PIBF1: variants seen among roughly 807,000 people sequenced by gnomAD.
The protein encoded by PIBF1 is progesterone-induced-blocking factor 1.
In PIBF1, 90 loss-of-function variants were observed where a neutral mutation model predicts 112.5. The observed-to-expected ratio is 0.80, with a 90% CI of 0.67 to 0.95. The LOEUF is 0.95. Ranked by LOEUF, PIBF1 falls within the 40% of genes least tolerant of loss-of-function variation. PIBF1 has a pLI of 0.00. For synonymous variants in PIBF1, 301 were observed against 288.6 expected (o/e 1.04, Z -0.44); for missense variants, 915 against 852.3 (o/e 1.07, Z -0.92).
At chr13:72,928,904 G>T (rs2041620191) in intron 13 of PIBF1, among the ~76,000 whole-genome samples, 1 of 152,126 alleles carries the variant, frequency 6.6e-6, no homozygotes, top group African/African-American at 2.4e-5. Context: ...TCATTATCTT[G>T]TTCAGATTGT....
chr13:72,920,358 G>T (rs762311866), intron 13 of PIBF1, among the ~76,000 whole-genome samples: 6 of 152,182 alleles, frequency 3.9e-5, no homozygotes, highest in Non-Finnish European at 5.9e-5. Context: ...TGACGGGAAA[G>T]TAAGGCTAGA....
chr13:72,840,708 C>T (rs530990132), intron 9 of PIBF1, among the ~76,000 whole-genome samples: 36 of 151,772 alleles, frequency 2.4e-4, no homozygotes, highest in African/African-American at 7.5e-4. Flanking sequence ...ATTTTTAGTA[C>T]GGATGGGGTT....
At chr13:72,836,516 A>G (rs1313237027) in intron 9 of PIBF1, among the ~76,000 whole-genome samples, 1 of 152,160 alleles carries the variant, frequency 6.6e-6, no homozygotes, top group African/African-American at 2.4e-5. Flanking sequence ...TGCTGTATTT[A>G]TAAGTTAGCC....
intron 14 of PIBF1, among the ~76,000 whole-genome samples, chr13:72,935,144 C>T (rs1274575166): frequency 1.3e-5 from 2 of 152,082 alleles, no homozygotes; most frequent in African/African-American, 2.4e-5. Context: ...TGCCACCATT[C>T]CCGGATAATT....
chr13:72,987,992 A>G (rs1489964273), intron 16 of PIBF1, among the ~76,000 whole-genome samples: 2 of 149,784 alleles, frequency 1.3e-5, no homozygotes, highest in East Asian at 4.0e-4. Flanking sequence ...CCTCCCAAGT[A>G]ACTGGGACTA....
chr13:72,839,612 T>C (rs1422253664), intron 9 of PIBF1, among the ~76,000 whole-genome samples: 1 of 152,302 alleles, frequency 6.6e-6, no homozygotes, highest in East Asian at 1.9e-4. Flanking sequence ...TTGACTGATA[T>C]AATAACTTTA....
intron 13 of PIBF1, among the ~76,000 whole-genome samples, chr13:72,924,255 T>A (rs890168386): frequency 2.0e-5 from 3 of 152,042 alleles, no homozygotes; most frequent in Admixed American, 6.5e-5. Context: ...TTTGTGCACT[T>A]TTTAATTGCT....
intron 1 of PIBF1, 49 bp from the exon 2 acceptor site, chr13:72,783,374 C>T: frequency 1.2e-6 from 1 of 844,914 alleles, no homozygotes; most frequent in East Asian, 2.6e-5. Context: ...TCCATGATTT[C>T]TGTAGTTAAT....
At chr13:72,885,292 T>C (rs1249469690) in intron 10 of PIBF1, among the ~76,000 whole-genome samples, 1 of 152,190 alleles carries the variant, frequency 6.6e-6, no homozygotes, top group African/African-American at 2.4e-5. Flanking sequence ...TTTGTTTTCA[T>C]CTTTTACGGA....
intron 8 of PIBF1, among the ~76,000 whole-genome samples, chr13:72,834,322 A>G (rs191560276): frequency 1.3e-5 from 2 of 152,318 alleles, no homozygotes; most frequent in African/African-American, 4.8e-5. Context: ...CTTGAATTAT[A>G]TCGACATACC....
intron 11 of PIBF1, among the ~76,000 whole-genome samples, chr13:72,896,208 A>C (rs1035565235): frequency 3.2e-4 from 48 of 152,170 alleles, no homozygotes; most frequent in Middle Eastern, 3.4e-3. Context: ...GACAACAATC[A>C]CTGCATTTTG....
At chr13:72,799,781 C>T (rs1158269641) in intron 5 of PIBF1, among the ~76,000 whole-genome samples, 1 of 152,176 alleles carries the variant, frequency 6.6e-6, no homozygotes, top group African/African-American at 2.4e-5. Flanking sequence ...ACCTCAGCAT[C>T]CCTCAAGGAC....
At chr13:72,814,135 A>AG (rs1188270980) in intron 5 of PIBF1, among the ~76,000 whole-genome samples, 1 of 152,170 alleles carries the variant, frequency 6.6e-6, no homozygotes, top group African/African-American at 2.4e-5. Context: ...CTTAATGAAA[A>AG]TTGATAAAGA....
chr13:73,000,485 C>T (rs1020817148), intron 17 of PIBF1, among the ~76,000 whole-genome samples: 4 of 152,150 alleles, frequency 2.6e-5, no homozygotes, highest in Non-Finnish European at 5.9e-5. Context: ...AATACAGCTG[C>T]CGAGGACTGT....
At chr13:72,939,393 G>T (rs1483605252) in intron 14 of PIBF1, among the ~76,000 whole-genome samples, 1 of 151,942 alleles carries the variant, frequency 6.6e-6, no homozygotes, top group Admixed American at 6.6e-5. Context: ...ACTCCTCTTT[G>T]CCCCCACCCT....
intron 11 of PIBF1, among the ~76,000 whole-genome samples, chr13:72,899,966 C>G (rs916594125): frequency 1.3e-5 from 2 of 152,076 alleles, no homozygotes; most frequent in Admixed American, 1.3e-4. Flanking sequence ...CAACAGCGAC[C>G]AGGCAGAGAG....
chr13:72,844,776 C>CTT (rs2037782593), intron 9 of PIBF1, among the ~76,000 whole-genome samples: 2 of 120,546 alleles, frequency 1.7e-5, no homozygotes, highest in South Asian at 2.8e-4. Context: ...CACACACACA[C>CTT]ACACACACAC....
chr13:72,870,928 TA>T (rs1055575274), intron 10 of PIBF1, among the ~76,000 whole-genome samples: 2 of 152,104 alleles, frequency 1.3e-5, no homozygotes, highest in Non-Finnish European at 2.9e-5. Flanking sequence ...AATGTCAGAA[TA>T]AAGAGCTTTT....
intron 2 of PIBF1, among the ~76,000 whole-genome samples, chr13:72,789,239 C>T (rs2034768646): frequency 6.6e-6 from 1 of 152,128 alleles, no homozygotes; most frequent in South Asian, 2.1e-4. Context: ...GGCTGGAGTG[C>T]AGTGGCTTGA....
Sources: gnomAD v4.1 joint callset for allele counts (sites outside exome capture counted in the v4.1 genomes callset) on GRCh38, gnomAD v4.1.1 for gene constraint, MANE v1.5 for transcripts, NCBI Gene and HGNC (gene_info 2026-07-23, HGNC 2026-07-21) for gene names.